Variants in SAMMSON observed in about 807,000 individuals in gnomAD.
SAMMSON encodes survival associated mitochondrial melanoma specific oncogenic non-coding RNA, also known as long intergenic non-protein coding RNA 1212.
At chr3:70,304,308 T>C (rs1265080600) in intron 7 of SAMMSON, among the ~76,000 whole-genome samples, 1 of 152,198 alleles carries the variant, frequency 6.6e-6, no homozygotes, top group African/African-American at 2.4e-5. Flanking sequence ...CATCAACAGA[T>C]GCCATCTCAT....
intron 2 of SAMMSON, among the ~76,000 whole-genome samples, chr3:70,401,527 A>C (rs550187232): frequency 2.0e-5 from 3 of 152,356 alleles, no homozygotes; most frequent in African/African-American, 7.2e-5. Flanking sequence ...ATGAAGTATA[A>C]GTACAAATCA....
At chr3:70,118,115 G>C (rs1312398840) in intron 4 of SAMMSON, among the ~76,000 whole-genome samples, 1 of 151,940 alleles carries the variant, frequency 6.6e-6, no homozygotes, top group Non-Finnish European at 1.5e-5. Context: ...TAGAGACGGG[G>C]TTTTTACCAT....
intron 2 of SAMMSON, among the ~76,000 whole-genome samples, chr3:70,413,270 A>G (rs982603756): frequency 5.3e-5 from 8 of 152,116 alleles, no homozygotes; most frequent in Non-Finnish European, 1.2e-4. Flanking sequence ...TATTTTTCCT[A>G]TATGTCAAGC....
chr3:70,306,938 A>G (rs554500961), intron 7 of SAMMSON, among the ~76,000 whole-genome samples: 1 of 152,234 alleles, frequency 6.6e-6, no homozygotes, highest in South Asian at 2.1e-4. Context: ...ATTGACTTTG[A>G]CTTTGCTCAT....
At chr3:70,282,032 G>T (rs545236896) in intron 6 of SAMMSON, among the ~76,000 whole-genome samples, 1 of 152,222 alleles carries the variant, frequency 6.6e-6, no homozygotes, top group Admixed American at 6.5e-5. Context: ...GTGCAGTCTA[G>T]GTCCCTTTGC....
chr3:70,311,005 G>A (rs1458843211), intron 7 of SAMMSON, among the ~76,000 whole-genome samples: 1 of 152,108 alleles, frequency 6.6e-6, no homozygotes, highest in Non-Finnish European at 1.5e-5. Context: ...TTGTCATGAT[G>A]ATTCAGCAAA....
chr3:70,274,086 TGTGTGC>T (rs777501162), intron 6 of SAMMSON, among the ~76,000 whole-genome samples: 118 of 146,684 alleles, frequency 8.0e-4, no homozygotes, highest in African/African-American at 1.5e-3. Flanking sequence ...TGTGTGTGTG[TGTGTGC>T]GCGCGCGCAT....
chr3:70,390,966 C>A (rs753856981), downstream of SAMMSON, among the ~76,000 whole-genome samples: 1 of 152,190 alleles, frequency 6.6e-6, no homozygotes, highest in African/African-American at 2.4e-5. Flanking sequence ...ATTTTGTTGA[C>A]AAATTCATGT....
At chr3:70,385,765 T>G (rs1703118535) in intron 9 of SAMMSON, among the ~76,000 whole-genome samples, 1 of 152,134 alleles carries the variant, frequency 6.6e-6, no homozygotes, top group Non-Finnish European at 1.5e-5. Context: ...TCTACATTCT[T>G]GTCCATTATT....
Position 70,017,923 on chromosome 3 carries a change from A to T in SAMMSON, n.417+4251A>T, listed in dbSNP as rs1437281759. Among the ~76,000 whole-genome samples, 7 of 152,258 alleles carry T rather than the reference A, an allele frequency of 4.6e-5. No homozygotes were observed. The East Asian group carries it at 1.4e-3, about 29-fold the overall frequency. On this transcript the variant is annotated intron_variant and non_coding_transcript_variant, in intron 3 of 9. Coordinates refer to ENST00000642114, the Ensembl canonical transcript of SAMMSON. ...ATATGTTGAACCAGCCTTGCATCCC[A>T]GGGATGAAGCCCACGTGATCATGGT...
chr3:70,386,772 G>A (rs17007183), intron 9 of SAMMSON, among the ~76,000 whole-genome samples: 12,564 of 152,088 alleles, frequency 0.083, 622 homozygotes, highest in African/African-American at 0.15. Context: ...CCTTCTAACA[G>A]ATAATATAGG....
At chr3:70,329,181 A>G (rs1702602258) in intron 7 of SAMMSON, among the ~76,000 whole-genome samples, 1 of 152,160 alleles carries the variant, frequency 6.6e-6, no homozygotes, top group Non-Finnish European at 1.5e-5. Flanking sequence ...TAAAAAAAGT[A>G]TAGAACTCAA....
At chr3:70,280,081 C>T (rs550964800) in intron 6 of SAMMSON, among the ~76,000 whole-genome samples, 2 of 152,156 alleles carry the variant, frequency 1.3e-5, no homozygotes, top group Non-Finnish European at 2.9e-5. Flanking sequence ...TGCACTCCCT[C>T]TGGAGCCTCT....
chr3:70,234,704 C>T (rs892599041), intron 4 of SAMMSON, among the ~76,000 whole-genome samples: 3 of 152,004 alleles, frequency 2.0e-5, no homozygotes, highest in Non-Finnish European at 4.4e-5. Flanking sequence ...GACACACATA[C>T]ATCTACTTTG....
In SAMMSON at chr3:70,357,520, T is replaced by A. The variant is rs184654256; in HGVS notation, n.843-734T>A. On this transcript the variant is annotated intron_variant and non_coding_transcript_variant, in intron 8 of 9. Transcript: ENST00000642114. Reference sequence around the variant, plus strand: ...TTGAGTGGATTTTCAAAAAGTGAAATAATTACATGTTAAAATGAGAGCACA... The same window carrying A: ...TTGAGTGGATTTTCAAAAAGTGAAAAAATTACATGTTAAAATGAGAGCACA... Among the ~76,000 whole-genome samples the A allele has an allele frequency of 5.3e-3, 800 of 152,152 alleles. 13 individuals are homozygous for A. The highest frequency in any genetic ancestry group is 5.6e-3 in the Non-Finnish European group (382 of 67,998).
At position 70,378,004 on chromosome 3, in the gene SAMMSON, G is replaced by A. The variant is rs547147150; in HGVS notation, n.914-11570G>A. On this transcript the variant is annotated intron_variant and non_coding_transcript_variant, in intron 9 of 9. Transcript: ENST00000642114. Reference sequence around the variant, plus strand: ...ACATTGATGGTGGGATTGTTTATTGGTATACACGTTAAAAAGGTAATATGG... The same window carrying A: ...ACATTGATGGTGGGATTGTTTATTGATATACACGTTAAAAAGGTAATATGG... Among the ~76,000 whole-genome samples the A allele has an allele frequency of 9.9e-5, 15 of 152,032 alleles. 1 individual carries two copies. The South Asian group carries it at 2.7e-3, about 27-fold the overall frequency.
At chr3:70,291,471 T>C (rs147892621) in intron 7 of SAMMSON, among the ~76,000 whole-genome samples, 1 of 152,352 alleles carries the variant, frequency 6.6e-6, no homozygotes, top group Non-Finnish European at 1.5e-5. Context: ...ATCTTGTCTA[T>C]AGCTCTGTTC....
At chr3:70,400,564 T>C (rs1410975523) in intron 2 of SAMMSON, among the ~76,000 whole-genome samples, 2 of 152,200 alleles carry the variant, frequency 1.3e-5, no homozygotes, top group Non-Finnish European at 2.9e-5. Flanking sequence ...AAACATCTTT[T>C]CTTTATTAAT....
intron 5 of SAMMSON, chr3:70,249,568 T>C (rs1442435790): frequency 1.3e-5 from 2 of 152,148 alleles, no homozygotes; most frequent in Non-Finnish European, 2.9e-5. Context: ...TAAGTAAATT[T>C]TTTTTCTTAA....
Sources: allele counts gnomAD v4.1 joint callset (sites outside exome capture counted in the v4.1 genomes callset), GRCh38; gene constraint gnomAD v4.1.1; transcripts MANE v1.5; gene names NCBI Gene and HGNC (gene_info 2026-07-23, HGNC 2026-07-21).